B4GALNT2: variants seen among roughly 807,000 people sequenced by gnomAD.
The protein encoded by B4GALNT2 is beta-1,4-N-acetyl-galactosaminyltransferase 2 (SID blood group).
Under a neutral mutation model 51.1 loss-of-function variants are expected in B4GALNT2, and 42 were observed. The ratio of observed to expected loss-of-function variants is 0.82; its 90% CI spans 0.64 to 1.06. The LOEUF is 1.06. B4GALNT2 is among the 50% of genes least tolerant of loss of function. The probability of loss-of-function intolerance (pLI) is 0.00; values close to 1 mark genes in which losing one functional copy is unlikely to be tolerated. For missense variants in B4GALNT2, 602 were observed against 633.6 expected (o/e 0.95, Z 0.54); for synonymous variants, 253 against 251.7 (o/e 1.01, Z -0.05).
chr17:49,154,108 A>G (rs536845058), intron 4 of B4GALNT2, among the ~76,000 whole-genome samples: 1 of 151,398 alleles, frequency 6.6e-6, no homozygotes, highest in African/African-American at 2.4e-5. Flanking sequence ...GGTTCAAGCC[A>G]TTCTCCTGCC....
chr17:49,161,296 A>G (rs1966131), intron 7 of B4GALNT2, among the ~76,000 whole-genome samples: 148,196 of 148,936 alleles, frequency 1, 73,734 homozygotes, highest in East Asian at 1. Context: ...AAAGAGAGAG[A>G]CAGCTTGTCA....
chr17:49,134,617 T>TAGCTC lies in B4GALNT2; in HGVS notation c.14+1812_14+1816dup, dbSNP rs575408751. 3.1e-3 allele frequency among the ~76,000 whole-genome samples: 473 copies of TAGCTC among 152,278 alleles called. 1 individual carries two copies. The highest frequency in any genetic ancestry group is 0.011 in the African/African-American group (460 of 41,556). ...TATTTTATTTTTTTTAGACAGAGTC[T>TAGCTC]AGCTCTGTGGCCCAGGCTGGAGTGC... On this transcript the variant is annotated intron_variant, in intron 1 of 10. Coordinates refer to ENST00000393354, the MANE Select transcript of B4GALNT2 (RefSeq NM_001159387.2).
chr17:49,162,132 C>T (rs190918175), intron 7 of B4GALNT2, among the ~76,000 whole-genome samples: 2,705 of 151,536 alleles, frequency 0.018, 31 homozygotes, highest in Non-Finnish European at 0.028. Flanking sequence ...GGACTACAGG[C>T]GCCCGCCACC....
At chr17:49,133,115 G>A in intron 1 of B4GALNT2, 1 of 1,524,810 alleles carries the variant, frequency 6.6e-7, no homozygotes, top group East Asian at 2.6e-5. Flanking sequence ...CCGAGTGTGG[G>A]AATCGGCTCG....
At chr17:49,166,443 C>T (rs2042912645) in intron 9 of B4GALNT2, among the ~76,000 whole-genome samples, 189 bp downstream of exon 9, 2 of 152,064 alleles carry the variant, frequency 1.3e-5, no homozygotes, top group African/African-American at 4.8e-5. Flanking sequence ...CAGCTCACGC[C>T]TCCATACTGA....
intron 1 of B4GALNT2, chr17:49,133,201 G>T: frequency 6.6e-7 from 1 of 1,504,202 alleles, no homozygotes. Context: ...GCTGCCCACG[G>T]GAGGAGCCGC....
intron 1 of B4GALNT2, among the ~76,000 whole-genome samples, chr17:49,139,869 TATTAC>T (rs1392268599): frequency 6.6e-6 from 1 of 151,888 alleles, no homozygotes; most frequent in Non-Finnish European, 1.5e-5. Flanking sequence ...ATTTCTACTT[TATTAC>T]AGTTTTCTTT....
intron 3 of B4GALNT2, chr17:49,148,690 C>A (rs2042720914): frequency 3.6e-6 from 2 of 555,756 alleles, no homozygotes; most frequent in Non-Finnish European, 6.5e-6. Context: ...AGGTCGGGCA[C>A]CTTCTTGTCT....
chr17:49,142,116 C>G lies in B4GALNT2; in HGVS notation c.297C>G (p.Ser99Arg). 1.2e-6 allele frequency: 2 copies of G among 1,614,050 alleles called. No homozygotes were observed. Among genetic ancestry groups the G allele is most frequent in the Non-Finnish European group, 1.7e-6 (2 of 1,180,022 alleles). ...ACTTTCAGGATGCCTATGGCCAGAGCGACCTCCCAGCGGTGAAAGCGAGGA... is the reference window on the plus strand; with the variant it reads ...ACTTTCAGGATGCCTATGGCCAGAGGGACCTCCCAGCGGTGAAAGCGAGGA... ...GYNFQDAYGQ[S>R]DLPAVKARRQ... The change falls in exon 3 of 11, where the codon AGC (serine) becomes AGG (arginine). Residue 99 changes from serine (S) to arginine (R), a missense_variant. Transcript: ENST00000393354.
At chr17:49,124,494 A>G in the B4GALNT2 span, among the ~76,000 whole-genome samples, 2 of 152,228 alleles carry the variant, frequency 1.3e-5, no homozygotes, top group Non-Finnish European at 2.9e-5. Context: ...GTTTTAACAT[A>G]ACAATTATAA....
At chr17:49,141,113 A>T in intron 1 of B4GALNT2, 134 bp from the exon 2 acceptor site, 1 of 773,754 alleles carries the variant, frequency 1.3e-6, no homozygotes, top group Non-Finnish European at 2.1e-6. Flanking sequence ...TCCTCTGTTT[A>T]TCAGAAATCG....
intron 3 of B4GALNT2, chr17:49,148,798 CT>C: frequency 2.6e-6 from 1 of 380,270 alleles, no homozygotes; most frequent in Non-Finnish European, 4.8e-6. Flanking sequence ...TAGCTCACAC[CT>C]GTAATCCCGG....
chr17:49,142,130 T>G lies in B4GALNT2; in HGVS notation c.311T>G (p.Val104Gly). 1 of 1,614,036 alleles carries G rather than the reference T, an allele frequency of 6.2e-7. No homozygotes were observed. The highest frequency in any genetic ancestry group is 8.5e-7 in the Non-Finnish European group (1 of 1,180,006). Residue 104 changes from valine to glycine, a missense_variant, in exon 3 of 11, where the codon GTG becomes GGG. Coordinates refer to ENST00000393354, the MANE Select transcript of B4GALNT2 (RefSeq NM_001159387.2). ...DAYGQSDLPAVKARRQAEFEH... is the reference protein window; with the variant it reads ...DAYGQSDLPAGKARRQAEFEH... Reference sequence around the variant, plus strand: ...TATGGCCAGAGCGACCTCCCAGCGGTGAAAGCGAGGAGACAGGCTGAATTT... The same window carrying G: ...TATGGCCAGAGCGACCTCCCAGCGGGGAAAGCGAGGAGACAGGCTGAATTT...
intron 6 of B4GALNT2, among the ~76,000 whole-genome samples, chr17:49,159,771 A>T (rs1485273366): frequency 1.3e-5 from 2 of 152,148 alleles, no homozygotes; most frequent in Non-Finnish European, 2.9e-5. Flanking sequence ...GAGAGAACAA[A>T]TCATGCTGTG....
chr17:49,129,311 T>G (rs963303537), upstream of B4GALNT2, among the ~76,000 whole-genome samples: 1 of 152,186 alleles, frequency 6.6e-6, no homozygotes, highest in African/African-American at 2.4e-5. Context: ...TTTTGAGGGC[T>G]CACTGGAGAG....
chr17:49,129,238 G>A (rs907001514), upstream of B4GALNT2, among the ~76,000 whole-genome samples: 4 of 151,990 alleles, frequency 2.6e-5, no homozygotes, highest in African/African-American at 4.8e-5. Context: ...AGGAGGAGGG[G>A]AGAAAGCGAA....
At chr17:49,139,253 T>C (rs1383271085) in intron 1 of B4GALNT2, among the ~76,000 whole-genome samples, 1 of 152,166 alleles carries the variant, frequency 6.6e-6, no homozygotes, top group East Asian at 1.9e-4. Context: ...TTGTTTTTTT[T>C]TTGGAGACAG....
At chr17:49,147,213 T>A (rs2042702451) in intron 3 of B4GALNT2, among the ~76,000 whole-genome samples, 1 of 152,146 alleles carries the variant, frequency 6.6e-6, no homozygotes, top group Non-Finnish European at 1.5e-5. Flanking sequence ...CTGGATGAGA[T>A]CTCTGACTCA....
chr17:49,144,830 A>G (rs969047925), intron 3 of B4GALNT2, among the ~76,000 whole-genome samples: 6 of 152,216 alleles, frequency 3.9e-5, no homozygotes, highest in African/African-American at 1.4e-4. Flanking sequence ...CATGATCACA[A>G]GGTCCCACAA....
Sources: gnomAD v4.1 joint callset for allele counts (sites outside exome capture counted in the v4.1 genomes callset) on GRCh38, gnomAD v4.1.1 for gene constraint, MANE v1.5 for transcripts, NCBI Gene and HGNC (gene_info 2026-07-23, HGNC 2026-07-21) for gene names.